VARS1: variants seen among roughly 807,000 people sequenced by gnomAD.
VARS1 encodes the protein valyl-tRNA synthetase 1, also known as valine--tRNA ligase.
Under a neutral mutation model 161.0 loss-of-function variants are expected in VARS1, and 92 were observed. That is an observed-to-expected ratio of 0.57 (90% confidence interval 0.48 to 0.68). VARS1 has a LOEUF of 0.68. VARS1 is among the 30% of genes least tolerant of loss of function. VARS1 has a pLI of 0.00. For synonymous variants in VARS1, 595 were observed against 682.5 expected (o/e 0.87, Z 2.00); for missense variants, 1,338 against 1,695.9 (o/e 0.79, Z 3.71).
Position 31,785,837 on chromosome 6 carries a change from G to A in VARS1, c.1101-104C>T, listed in dbSNP as rs1813464784. On this transcript the variant is annotated intron_variant, in intron 8 of 29. Coordinates refer to ENST00000375663, the MANE Select transcript of VARS1 (RefSeq NM_006295.3). The surrounding 1 kb of genome is among the most constrained non-coding windows in gnomAD (Gnocchi z 6.1). ...AGGAGTCAGTGGACTAAATAAAGAA[G>A]CAGGGAGGCCGGACGCGGTGGCTCA... 4 of 1,435,980 alleles carry A rather than the reference G, an allele frequency of 2.8e-6. No homozygotes were observed. Among genetic ancestry groups the A allele is most frequent in the South Asian group, 2.7e-5 (2 of 72,732 alleles). 89.0% of individuals were successfully genotyped at this position (1,435,980 alleles called of 1,614,324 possible). A position where few individuals can be genotyped will look rare whatever the true frequency, so the allele number is the denominator to read the frequency against.
In VARS1 at chr6:31,781,381, C is replaced by A; in HGVS notation, c.2544+100G>T. On this transcript the variant is annotated intron_variant, in intron 21 of 29. Transcript: ENST00000375663. This position sits in a 1 kb window ranked among gnomAD's most constrained non-coding sequence, Gnocchi z 6.8. ...CCAGCCCCCGGGTCAGGCCTGCCCA[C>A]AGCTAACCCCATGCCCCAGCCACGC... The A allele has an allele frequency of 6.6e-7, 1 of 1,511,066 alleles. No homozygotes were observed. Among genetic ancestry groups the A allele is most frequent in the Non-Finnish European group, 8.9e-7 (1 of 1,128,650 alleles). 93.6% of individuals were successfully genotyped at this position (1,511,066 alleles called of 1,614,324 possible).
Position 31,784,323 on chromosome 6 carries a change from G to A in VARS1, c.1577-15C>T. ...CTCGTCGCTATCTGGGGTGACAGAA[G>A]GCCTTGTGGTCTTGGCCTTGGCCCC... On this transcript the variant is annotated splice_polypyrimidine_tract_variant and intron_variant, in intron 12 of 29. Coordinates refer to ENST00000375663, the MANE Select transcript of VARS1 (RefSeq NM_006295.3). The surrounding 1 kb of genome is among the most constrained non-coding windows in gnomAD (Gnocchi z 6.1). 3.7e-6 allele frequency: 6 copies of A among 1,614,164 alleles called. No homozygotes were observed. Among genetic ancestry groups the A allele is most frequent in the Non-Finnish European group, 5.1e-6 (6 of 1,180,036 alleles).
chr6:31,780,171 T>C lies in VARS1; in HGVS notation c.2926-18A>G, dbSNP rs1469297843. The C allele has an allele frequency of 1.2e-6, 2 of 1,611,880 alleles. No individual in the cohort carries two copies. Among genetic ancestry groups the C allele is most frequent in the East Asian group, 4.5e-5 (2 of 44,866 alleles). On this transcript the variant is annotated intron_variant, in intron 25 of 29. Transcript: ENST00000375663. The surrounding 1 kb of genome is among the most constrained non-coding windows in gnomAD (Gnocchi z 5.1). ...CCTCCGGGCTTGGGGAGAGAGGGTG[T>C]ATCAGCCGGCGGGCCAGGGGAGGGT...
intron 13 of VARS1, among the ~76,000 whole-genome samples, chr6:31,783,434 C>T (rs1249197733): frequency 7.2e-5 from 11 of 152,002 alleles, no homozygotes; most frequent in South Asian, 2.1e-4. Flanking sequence ...TGCTTGAACC[C>T]GGGAGGTGGA....
At position 31,785,807 on chromosome 6, in the gene VARS1, A is replaced by G; in HGVS notation, c.1101-74T>C. Reference sequence around the variant, plus strand: ...TGGCACCAAAGAAAGCAGAGGCTTCAGGCAAGGAGTCAGTGGACTAAATAA... The same window carrying G: ...TGGCACCAAAGAAAGCAGAGGCTTCGGGCAAGGAGTCAGTGGACTAAATAA... On this transcript the variant is annotated intron_variant, in intron 8 of 29. Coordinates refer to ENST00000375663, the MANE Select transcript of VARS1 (RefSeq NM_006295.3). This position sits in a 1 kb window ranked among gnomAD's most constrained non-coding sequence, Gnocchi z 6.1. The G allele has an allele frequency of 4.0e-6, 6 of 1,515,304 alleles. No individual in the cohort carries two copies. Among genetic ancestry groups the G allele is most frequent in the Non-Finnish European group, 5.3e-6 (6 of 1,139,832 alleles). 93.9% of individuals were successfully genotyped at this position (1,515,304 alleles called of 1,614,324 possible).
chr6:31,785,395 G>A lies in VARS1; in HGVS notation c.1266-68C>T, dbSNP rs1427731461. On this transcript the variant is annotated intron_variant, in intron 9 of 29. Transcript: ENST00000375663. The surrounding 1 kb of genome is among the most constrained non-coding windows in gnomAD (Gnocchi z 6.1). ...GAGGGAGACATCAGGTGGCTGACTGGGCAGTGTGGAGATCACCCATCCCCC... is the reference window on the plus strand; with the variant it reads ...GAGGGAGACATCAGGTGGCTGACTGAGCAGTGTGGAGATCACCCATCCCCC... 11 of 1,596,004 alleles carry A rather than the reference G, an allele frequency of 6.9e-6. No homozygotes were observed. The highest frequency in any genetic ancestry group is 9.4e-6 in the Non-Finnish European group (11 of 1,167,816).
chr6:31,782,018 C>G lies in VARS1; in HGVS notation c.2242-66G>C. ...TTCTGGCTCACCCTGCCCCTCCCCC[C>G]ACCAAGGACCCAGTAAACCCACCAC... On this transcript the variant is annotated intron_variant, in intron 18 of 29. Transcript: ENST00000375663. This position sits in a 1 kb window ranked among gnomAD's most constrained non-coding sequence, Gnocchi z 8.3. The G allele has an allele frequency of 6.2e-7, 1 of 1,612,354 alleles. No homozygotes were observed. Among genetic ancestry groups the G allele is most frequent in the Non-Finnish European group, 8.5e-7 (1 of 1,179,262 alleles).
At position 31,779,821 on chromosome 6, in the gene VARS1, G is replaced by T; in HGVS notation, c.3082-7C>A. ...GTACAGGTTTCAGGCACTCCTAGGG[G>T]ACGAGAGGTACAGGGCTCACGGCTG... On this transcript the variant is annotated splice_region_variant and splice_polypyrimidine_tract_variant and intron_variant, in intron 26 of 29. Coordinates refer to ENST00000375663, the MANE Select transcript of VARS1 (RefSeq NM_006295.3). The surrounding 1 kb of genome is among the most constrained non-coding windows in gnomAD (Gnocchi z 9.1). The T allele has an allele frequency of 1.2e-6, 2 of 1,612,804 alleles. No individual in the cohort carries two copies. Among genetic ancestry groups the T allele is most frequent in the South Asian group, 2.2e-5 (2 of 91,084 alleles).
chr6:31,777,536 T>C lies in VARS1; in HGVS notation c.*58A>G. ...AAGAGGATTTTGTGGGAAAATATTT[T>C]ATTGCTGCCATCCCCATGGTGAGCC... On this transcript the variant is annotated 3_prime_UTR_variant, in exon 30 of 30. Coordinates refer to ENST00000375663, the MANE Select transcript of VARS1 (RefSeq NM_006295.3). This position sits in a 1 kb window ranked among gnomAD's most constrained non-coding sequence, Gnocchi z 5.8. 1 of 1,604,460 alleles carries C rather than the reference T, an allele frequency of 6.2e-7. No homozygotes were observed. The highest frequency in any genetic ancestry group is 8.5e-7 in the Non-Finnish European group (1 of 1,171,904).
rs1220828241 is a variant in VARS1 at position 31,779,484 on chromosome 6, A to G, written c.3341T>C (p.Ile1114Thr). 1 of 1,612,654 alleles carries G rather than the reference A, an allele frequency of 6.2e-7. No homozygotes were observed. Among genetic ancestry groups the G allele is most frequent in the Non-Finnish European group, 8.5e-7 (1 of 1,179,958 alleles). Residue 1114 changes from isoleucine to threonine, a missense_variant, in exon 28 of 30, where the codon ATC becomes ACC. Ile to Thr is a moderately conservative substitution (Grantham distance 89). Coordinates refer to ENST00000375663, the MANE Select transcript of VARS1 (RefSeq NM_006295.3). This position sits in a 1 kb window ranked among gnomAD's most constrained non-coding sequence, Gnocchi z 9.1. ...AEAALELALS[I>T]TRAVRSLRAD... ...CCGCAGGGAGCGCACGGCTCGCGTG[A>G]TGCTTAGCGCCAGCTCAAGGGCGGC...
chr6:31,792,044 G>T, intron 6 of VARS1, 73 bp from the exon 7 acceptor site: 1 of 1,477,006 alleles, frequency 6.8e-7, no homozygotes, highest in Non-Finnish European at 9.1e-7. Flanking sequence ...TGGCAGAGAG[G>T]GATCGGGATC....
intron 2 of VARS1, among the ~76,000 whole-genome samples, chr6:31,793,512 A>G (rs1390911684): frequency 6.6e-6 from 1 of 152,120 alleles, no homozygotes; most frequent in East Asian, 1.9e-4. Flanking sequence ...TCTCAGAAAA[A>G]AAAAAACAAA....
chr6:31,792,126 C>T, intron 6 of VARS1, 91 bp downstream of exon 6: 1 of 1,537,988 alleles, frequency 6.5e-7, no homozygotes, highest in Non-Finnish European at 8.9e-7. Context: ...AATTCCTCAC[C>T]AAACAAAGTG....
intron 4 of VARS1, 64 bp from the exon 5 acceptor site, chr6:31,792,580 G>A: frequency 6.2e-7 from 1 of 1,610,052 alleles, no homozygotes; most frequent in Non-Finnish European, 8.5e-7. Flanking sequence ...GCCATACTAG[G>A]TTTCAGATGG....
chr6:31,785,846 C>A lies in VARS1; in HGVS notation c.1101-113G>T. ...TGGACTAAATAAAGAAGCAGGGAGG[C>A]CGGACGCGGTGGCTCACGCCTGTAA... On this transcript the variant is annotated intron_variant, in intron 8 of 29. Transcript: ENST00000375663. The surrounding 1 kb of genome is among the most constrained non-coding windows in gnomAD (Gnocchi z 6.1). The A allele has an allele frequency of 1.4e-6, 2 of 1,381,604 alleles. No homozygotes were observed. The highest frequency in any genetic ancestry group is 1.9e-6 in the Non-Finnish European group (2 of 1,036,606). The allele number at this position is 1,381,604 out of a possible 1,614,324, so 85.6% of individuals were successfully genotyped here.
chr6:31,781,332 C>A lies in VARS1; in HGVS notation c.2544+149G>T. The A allele has an allele frequency of 7.5e-7, 1 of 1,326,548 alleles. No homozygotes were observed. The highest frequency in any genetic ancestry group is 1.0e-6 in the Non-Finnish European group (1 of 978,408). 82.2% of individuals were successfully genotyped at this position (1,326,548 alleles called of 1,614,324 possible). A position where few individuals can be genotyped will look rare whatever the true frequency, so the allele number is the denominator to read the frequency against. ...TGGGCACAGGAATCACTGAGCAGGG[C>A]CCAGGCTGGATTTCAACCCCACACC... is the stretch of plus-strand genomic sequence containing the variant. On this transcript the variant is annotated intron_variant, in intron 21 of 29. Coordinates refer to ENST00000375663, the MANE Select transcript of VARS1 (RefSeq NM_006295.3). The surrounding 1 kb of genome is among the most constrained non-coding windows in gnomAD (Gnocchi z 6.8).
chr6:31,778,713 T>C lies in VARS1; in HGVS notation c.3726+254A>G, dbSNP rs1812900644. On this transcript the variant is annotated intron_variant, in intron 29 of 29. Coordinates refer to ENST00000375663, the MANE Select transcript of VARS1 (RefSeq NM_006295.3). The surrounding 1 kb of genome is among the most constrained non-coding windows in gnomAD (Gnocchi z 5.1). The stretch of plus-strand genomic sequence containing the variant: ...TTGTTGTAGAGATGGGATTTCACCA[T>C]GTTGGCTGGTCTCAAACCCCTGGGC... 5 of 567,820 alleles carry C rather than the reference T, an allele frequency of 8.8e-6. No homozygotes were observed. The highest frequency in any genetic ancestry group is 3.4e-5 in the Admixed American group (1 of 29,656). 35.2% of individuals were successfully genotyped at this position (567,820 alleles called of 1,614,324 possible). A position where few individuals can be genotyped will look rare whatever the true frequency, so the allele number is the denominator to read the frequency against.
chr6:31,786,896 C>A (rs1813543874), intron 8 of VARS1, among the ~76,000 whole-genome samples: 1 of 151,808 alleles, frequency 6.6e-6, no homozygotes, highest in Non-Finnish European at 1.5e-5. Context: ...AAAATCTCCC[C>A]CTTACCAATA....
In VARS1 at chr6:31,781,455, T is replaced by C; in HGVS notation, c.2544+26A>G. 1 of 1,609,002 alleles carries C rather than the reference T, an allele frequency of 6.2e-7. No individual in the cohort carries two copies. The highest frequency in any genetic ancestry group is 8.5e-7 in the Non-Finnish European group (1 of 1,179,050). ...CGGTAGGAGAGGAGGCTGGGGGCGA[T>C]GGGAGGGTCTCGGCTGTCTCCGCAC... On this transcript the variant is annotated intron_variant, in intron 21 of 29. Coordinates refer to ENST00000375663, the MANE Select transcript of VARS1 (RefSeq NM_006295.3). This position sits in a 1 kb window ranked among gnomAD's most constrained non-coding sequence, Gnocchi z 6.8.
Sources: gnomAD v4.1 joint callset for allele counts (sites outside exome capture counted in the v4.1 genomes callset) on GRCh38, gnomAD v4.1.1 for gene constraint, Gnocchi (gnomAD v3.1) non-coding constraint, MANE v1.5 for transcripts, NCBI Gene and HGNC (gene_info 2026-07-23, HGNC 2026-07-21) for gene names.